Variants in ZNF148 observed in about 807,000 individuals in gnomAD.
The protein encoded by ZNF148 is Beta-Enolase Repressor Factor-1.
In ZNF148, 7 loss-of-function variants were observed where a neutral mutation model predicts 67.7. The observed-to-expected ratio is 0.10, with a 90% CI of 0.06 to 0.19. The LOEUF is 0.19. Ranked by LOEUF, ZNF148 falls within the 10% of genes least tolerant of loss-of-function variation. The probability of loss-of-function intolerance (pLI) is 1.00; values close to 1 mark genes in which losing one functional copy is unlikely to be tolerated. For synonymous variants in ZNF148, 333 were observed against 330.7 expected (o/e 1.01, Z -0.08); for missense variants, 583 against 947.1 (o/e 0.62, Z 5.05).
intron 4 of ZNF148, among the ~76,000 whole-genome samples, chr3:125,290,598 T>G (rs1938956623): frequency 6.6e-6 from 1 of 152,220 alleles, no homozygotes; most frequent in South Asian, 2.1e-4. Flanking sequence ...CATTTTCTCA[T>G]TCAACAGCTA....
At chr3:125,363,162 T>C (rs749940920) in intron 1 of ZNF148, among the ~76,000 whole-genome samples, 2 of 152,230 alleles carry the variant, frequency 1.3e-5, no homozygotes. Flanking sequence ...CCTGAGGAAT[T>C]AGAATATATA....
rs972772390 is a variant in ZNF148 at position 125,323,328 on chromosome 3, G to A, written c.-36C>T. 1.7e-5 allele frequency: 11 copies of A among 646,276 alleles called. No homozygotes were observed. Among genetic ancestry groups the A allele is most frequent in the East Asian group, 2.8e-5 (1 of 35,626 alleles). 40.0% of individuals were successfully genotyped at this position (646,276 alleles called of 1,614,324 possible). A position where few individuals can be genotyped will look rare whatever the true frequency, so the allele number is the denominator to read the frequency against. On this transcript the variant is annotated 5_prime_UTR_variant, in exon 3 of 9. Transcript: ENST00000360647. ...AATTACCCGAGACTAAGGTAAAAAC[G>A]AAGACTTCAAGGAAAGGAATGCTGT... is the stretch of plus-strand genomic sequence containing the variant.
chr3:125,258,148 T>C (rs899030778), intron 7 of ZNF148, among the ~76,000 whole-genome samples: 3 of 151,660 alleles, frequency 2.0e-5, no homozygotes, highest in South Asian at 4.2e-4. Flanking sequence ...TCCAGCTGGG[T>C]GCGGTGGCTC....
At chr3:125,311,083 A>G in intron 4 of ZNF148, 1 of 208,304 alleles carries the variant, frequency 4.8e-6, no homozygotes. Flanking sequence ...TCTAGGGAAA[A>G]TGGACATTCA....
At chr3:125,318,312 T>A (rs191277449) in intron 3 of ZNF148, among the ~76,000 whole-genome samples, 12 of 152,288 alleles carry the variant, frequency 7.9e-5, no homozygotes, top group Non-Finnish European at 1.3e-4. Context: ...ACTGAGGTAA[T>A]CAAGCCACAC....
At chr3:125,371,173 C>T (rs527496998) in intron 1 of ZNF148, among the ~76,000 whole-genome samples, 62 of 149,644 alleles carry the variant, frequency 4.1e-4, no homozygotes, top group African/African-American at 1.4e-3. Flanking sequence ...GGCAACATGA[C>T]GAAACCCCGT....
chr3:125,329,331 A>T (rs1477288841), intron 2 of ZNF148, among the ~76,000 whole-genome samples: 1 of 96,500 alleles, frequency 1.0e-5, no homozygotes, highest in Non-Finnish European at 2.2e-5. Flanking sequence ...ATAATTTTTT[A>T]TATATATATA....
At chr3:125,264,834 A>G (rs1560124820) in intron 7 of ZNF148, among the ~76,000 whole-genome samples, 1 of 152,214 alleles carries the variant, frequency 6.6e-6, no homozygotes, top group East Asian at 1.9e-4. Context: ...TCATCATTAA[A>G]CAATCATTTC....
intron 1 of ZNF148, among the ~76,000 whole-genome samples, chr3:125,361,165 C>T (rs1174868945): frequency 6.6e-6 from 1 of 152,142 alleles, no homozygotes; most frequent in African/African-American, 2.4e-5. Context: ...TCTCATCTTA[C>T]CTGGCTTTTC....
intron 4 of ZNF148, among the ~76,000 whole-genome samples, chr3:125,305,656 T>G (rs1939835542): frequency 6.6e-6 from 1 of 151,704 alleles, no homozygotes; most frequent in African/African-American, 2.4e-5. Flanking sequence ...TACAAAAAAA[T>G]TTTAAAATAA....
rs778171934 is a variant in ZNF148 at position 125,313,599 on chromosome 3, A to G, written c.42T>C (p.Cys14=). ...DDKLEGLFLK[C]GGIDEMQSSR... The stretch of plus-strand genomic sequence containing the variant: ...AAGACTGCATTTCGTCTATGCCGCC[A>G]CATTTAAGAAACAATCCTTCCAGTT... The change falls in exon 4 of 9, where the codon TGT becomes TGC. Residue 14 remains cysteine (C), a synonymous_variant. Transcript: ENST00000360647. 85 of 1,613,884 alleles carry G rather than the reference A, an allele frequency of 5.3e-5. No homozygotes were observed. The highest frequency in any genetic ancestry group is 1.6e-4 in the Middle Eastern group (1 of 6,082).
At chr3:125,306,950 T>C (rs1939909816) in intron 4 of ZNF148, among the ~76,000 whole-genome samples, 1 of 150,764 alleles carries the variant, frequency 6.6e-6, no homozygotes, top group East Asian at 2.0e-4. Flanking sequence ...ATATGTATGA[T>C]AAAAATATCA....
At chr3:125,315,138 T>G (rs1331164742) in intron 3 of ZNF148, 3 of 152,230 alleles carry the variant, frequency 2.0e-5, no homozygotes, top group Non-Finnish European at 2.9e-5. Context: ...AAATTTCATT[T>G]ATCACATTTC....
intron 4 of ZNF148, 24 bp from the exon 5 acceptor site, chr3:125,288,252 T>C (rs757705960): frequency 6.3e-7 from 1 of 1,588,910 alleles, no homozygotes; most frequent in South Asian, 1.1e-5. Context: ...GAAAAGCCAA[T>C]TTTAGACATA....
chr3:125,238,329 A>C (rs1936187723), intron 7 of ZNF148, among the ~76,000 whole-genome samples: 1 of 152,262 alleles, frequency 6.6e-6, no homozygotes, highest in African/African-American at 2.4e-5. Context: ...GGACACTATC[A>C]AAAAAATGAA....
At chr3:125,254,426 C>G (rs377757239) in intron 7 of ZNF148, among the ~76,000 whole-genome samples, 53 of 152,292 alleles carry the variant, frequency 3.5e-4, no homozygotes, top group African/African-American at 1.3e-3. Flanking sequence ...ATTATTCTAT[C>G]TCACAGATAC....
At chr3:125,285,811 G>T (rs1056852308) in intron 5 of ZNF148, among the ~76,000 whole-genome samples, 2 of 152,084 alleles carry the variant, frequency 1.3e-5, no homozygotes, top group Admixed American at 1.3e-4. Flanking sequence ...ACTTAGAATA[G>T]GACAACTCCG....
Position 125,233,121 on chromosome 3 carries a change from A to G in ZNF148, c.1605T>C (p.Val535=), listed in dbSNP as rs1560101756. 1 of 1,613,824 alleles carries G rather than the reference A, an allele frequency of 6.2e-7. No individual in the cohort carries two copies. The highest frequency in any genetic ancestry group is 8.5e-7 in the Non-Finnish European group (1 of 1,179,870). The part of the protein sequence containing the change: ...VEIKSNHDKN[V]IPDEVLQTLL... ...GAGTCTGCAGTACCTCATCTGGAATAACATTTTTGTCATGATTACTCTTAA... is the reference window on the plus strand; with the variant it reads ...GAGTCTGCAGTACCTCATCTGGAATGACATTTTTGTCATGATTACTCTTAA... Residue 535 remains valine (V), a synonymous_variant, in exon 9 of 9, where the codon GTT becomes GTC. Transcript: ENST00000360647. This position sits in a 1 kb window ranked among gnomAD's most constrained non-coding sequence, Gnocchi z 5.1.
chr3:125,344,391 T>A, intron 1 of ZNF148: 1 of 658,654 alleles, frequency 1.5e-6, no homozygotes, highest in Non-Finnish European at 2.8e-6. Context: ...AAAAAATGAC[T>A]CTGTCCCTTG....
Sources: gnomAD v4.1 joint callset for allele counts (sites outside exome capture counted in the v4.1 genomes callset) on GRCh38, gnomAD v4.1.1 for gene constraint, Gnocchi (gnomAD v3.1) non-coding constraint, MANE v1.5 for transcripts, NCBI Gene and HGNC (gene_info 2026-07-23, HGNC 2026-07-21) for gene names.